PTPRN2: variants seen among roughly 807,000 people sequenced by gnomAD.
PTPRN2 encodes protein tyrosine phosphatase receptor type N2.
PTPRN2 carries 74 observed loss-of-function variants against 118.8 expected under a neutral mutation model. The ratio of observed to expected loss-of-function variants is 0.62; its 90% CI spans 0.52 to 0.76. PTPRN2 has a LOEUF of 0.76. Among genes scored for constraint, PTPRN2 ranks in the 30% least tolerant of loss-of-function variants. The probability of loss-of-function intolerance (pLI) is 0.00; values close to 1 mark genes in which losing one functional copy is unlikely to be tolerated. For synonymous variants in PTPRN2, 641 were observed against 608.0 expected (o/e 1.05, Z -0.80); for missense variants, 1,481 against 1,394.4 (o/e 1.06, Z -0.99).
intron 21 of PTPRN2, among the ~76,000 whole-genome samples, chr7:157,558,067 C>T (rs1233518022): frequency 4.7e-5 from 3 of 63,986 alleles, no homozygotes; most frequent in Non-Finnish European, 7.5e-5. Flanking sequence ...CCTGTGCAGG[C>T]GAGCACAGCT....
chr7:158,194,766 G>A (rs977977397), intron 4 of PTPRN2, among the ~76,000 whole-genome samples: 1 of 152,240 alleles, frequency 6.6e-6, no homozygotes, highest in East Asian at 1.9e-4. Flanking sequence ...CTAGATCCTC[G>A]TTAGGGCAAG....
intron 3 of PTPRN2, among the ~76,000 whole-genome samples, chr7:158,218,143 G>A (rs1241132998): frequency 1.3e-5 from 2 of 152,126 alleles, no homozygotes; most frequent in African/African-American, 4.8e-5. Context: ...ATGGTCATCA[G>A]ATTCTCCAAG....
At chr7:157,705,901 CT>C (rs1798307893) in intron 12 of PTPRN2, among the ~76,000 whole-genome samples, 2 of 152,154 alleles carry the variant, frequency 1.3e-5, no homozygotes, top group South Asian at 4.1e-4. Context: ...CAGGTGCCTT[CT>C]GGATAAAGGC....
rs1800600580 is a variant in PTPRN2 at position 157,585,051 on chromosome 7, T to A, written c.2497-6911A>T. On this transcript the variant is annotated intron_variant, in intron 17 of 22. Transcript: ENST00000389418. The surrounding 1 kb of genome is among the most constrained non-coding windows in gnomAD (Gnocchi z 5.2). ...ATGGTGCACCTACCTGGCTTTTTTT[T>A]AGTAAACAAATATCTCAGTGTGGGA... Among the ~76,000 whole-genome samples, 1 of 152,078 alleles carries A rather than the reference T, an allele frequency of 6.6e-6. No individual in the cohort carries two copies. Among genetic ancestry groups the A allele is most frequent in the Admixed American group, 6.5e-5 (1 of 15,280 alleles).
intron 2 of PTPRN2, among the ~76,000 whole-genome samples, chr7:158,400,098 A>G (rs1395322906): frequency 6.6e-6 from 1 of 152,158 alleles, no homozygotes; most frequent in East Asian, 1.9e-4. Flanking sequence ...CATGTAACAG[A>G]TGCCTTTATG....
At chr7:158,179,212 G>T (rs1213166922) in intron 5 of PTPRN2, among the ~76,000 whole-genome samples, 1 of 152,148 alleles carries the variant, frequency 6.6e-6, no homozygotes, top group Non-Finnish European at 1.5e-5. Context: ...CAGGAGTATG[G>T]TGGTATCTCA....
intron 6 of PTPRN2, among the ~76,000 whole-genome samples, chr7:158,143,877 C>G (rs1819626349): frequency 6.6e-6 from 1 of 152,164 alleles, no homozygotes; most frequent in Non-Finnish European, 1.5e-5. Context: ...CTGGGAGCCT[C>G]CACCTGCATC....
intron 6 of PTPRN2, among the ~76,000 whole-genome samples, chr7:158,162,255 G>A (rs1456893341): frequency 2.0e-5 from 3 of 152,244 alleles, no homozygotes; most frequent in Non-Finnish European, 2.9e-5. Context: ...ACCAGTAGAA[G>A]TTAAAGACTT....
chr7:157,791,535 C>CCCTCCCT (rs1804496441), intron 12 of PTPRN2, among the ~76,000 whole-genome samples: 3 of 147,504 alleles, frequency 2.0e-5, no homozygotes, highest in Middle Eastern at 3.5e-3. Context: ...CACCCGCCCC[C>CCCTCCCT]GCTCCCTGCA....
intron 6 of PTPRN2, among the ~76,000 whole-genome samples, chr7:158,145,722 G>A (rs1023562768): frequency 1.3e-5 from 2 of 152,186 alleles, no homozygotes; most frequent in East Asian, 3.9e-4. Flanking sequence ...GAATCTGTAG[G>A]GTGTTAGCTC....
At chr7:157,875,138 C>G (rs1173101078) in intron 12 of PTPRN2, among the ~76,000 whole-genome samples, 3 of 152,176 alleles carry the variant, frequency 2.0e-5, no homozygotes, top group Admixed American at 2.0e-4. Flanking sequence ...GGAAGTATGT[C>G]CCAGGAGGAG....
At chr7:157,895,596 C>G (rs1368543091) in intron 12 of PTPRN2, among the ~76,000 whole-genome samples, 1 of 151,864 alleles carries the variant, frequency 6.6e-6, no homozygotes, top group Non-Finnish European at 1.5e-5. Context: ...AGAAAAGTAC[C>G]CAGCATTTGA....
chr7:157,952,701 C>T (rs1800912960), intron 11 of PTPRN2, among the ~76,000 whole-genome samples: 1 of 152,144 alleles, frequency 6.6e-6, no homozygotes, highest in Admixed American at 6.5e-5. Flanking sequence ...CAGCCTCTTT[C>T]TCAGGCCTCT....
intron 11 of PTPRN2, among the ~76,000 whole-genome samples, chr7:158,039,747 A>AG (rs1004840010): frequency 2.0e-5 from 3 of 152,226 alleles, no homozygotes; most frequent in African/African-American, 4.8e-5. Context: ...CCATGCTAAA[A>AG]GGGAAAAAAA....
At chr7:158,278,748 A>G (rs948869331) in intron 3 of PTPRN2, among the ~76,000 whole-genome samples, 2 of 152,136 alleles carry the variant, frequency 1.3e-5, no homozygotes, top group Admixed American at 6.5e-5. Context: ...CGGTGGGTTC[A>G]TGGTCTCCCT....
At chr7:158,276,718 T>C (rs1799030598) in intron 3 of PTPRN2, among the ~76,000 whole-genome samples, 1 of 152,162 alleles carries the variant, frequency 6.6e-6, no homozygotes, top group Non-Finnish European at 1.5e-5. Flanking sequence ...GGGAAGCTGA[T>C]GGATGTGGGT....
chr7:158,340,176 G>A (rs1308748095), intron 2 of PTPRN2, among the ~76,000 whole-genome samples: 2 of 85,020 alleles, frequency 2.4e-5, no homozygotes, highest in African/African-American at 4.1e-5. Context: ...CCTGACACTC[G>A]CAGACGTCAC....
At chr7:158,557,100 C>T (rs1229730271) in intron 1 of PTPRN2, among the ~76,000 whole-genome samples, 2 of 137,828 alleles carry the variant, frequency 1.5e-5, no homozygotes, top group Non-Finnish European at 3.1e-5. Flanking sequence ...CTGTGCAGGT[C>T]GCTCCTGGGC....
intron 1 of PTPRN2, among the ~76,000 whole-genome samples, chr7:158,557,859 G>A (rs902914421): frequency 6.6e-6 from 1 of 152,186 alleles, no homozygotes; most frequent in African/African-American, 2.4e-5. Flanking sequence ...CTCTCCTAGT[G>A]AGGCACCTCG....
Sources: allele counts gnomAD v4.1 joint callset (sites outside exome capture counted in the v4.1 genomes callset), GRCh38; gene constraint gnomAD v4.1.1; non-coding constraint Gnocchi (gnomAD v3.1); transcripts MANE v1.5; gene names NCBI Gene and HGNC (gene_info 2026-07-23, HGNC 2026-07-21).